AXDND1: variants seen among roughly 807,000 people sequenced by gnomAD.
The protein encoded by AXDND1 is axonemal dynein light chain domain containing 1, also known as axonemal dynein light chain domain-containing protein 1.
In AXDND1, 110 loss-of-function variants were observed where a neutral mutation model predicts 137.5. That is an observed-to-expected ratio of 0.80 (90% CI 0.69 to 0.94). The LOEUF (loss-of-function observed/expected upper bound fraction) is 0.94. AXDND1 is among the 40% of genes least tolerant of loss of function. AXDND1 has a pLI of 0.00. For missense variants in AXDND1, 1,191 were observed against 1,169.8 expected, an observed-to-expected ratio of 1.02 and a Z score of -0.26; for synonymous variants, 414 against 399.7, an observed-to-expected ratio of 1.04 and a Z score of -0.43.
At chr1:179,525,569 T>A in intron 22 of AXDND1, 122 bp downstream of exon 22, 1 of 1,179,654 alleles carries the variant, frequency 8.5e-7, no homozygotes, top group Non-Finnish European at 1.1e-6. Flanking sequence ...TCATCATAGC[T>A]CACTGTAACC....
At chr1:179,463,722 T>C (rs11582574) in intron 16 of AXDND1, among the ~76,000 whole-genome samples, 30,644 of 152,080 alleles carry the variant, frequency 0.2, 3,214 homozygotes, top group Non-Finnish European at 0.23. Flanking sequence ...AGTGGGGTGT[T>C]AAAGTCTCCC....
chr1:179,421,491 C>G (rs1320617281), intron 12 of AXDND1, among the ~76,000 whole-genome samples: 1 of 144,424 alleles, frequency 6.9e-6, no homozygotes, highest in Non-Finnish European at 1.5e-5. Context: ...TCAAGTGATT[C>G]TTGTGCCTCA....
chr1:179,377,360 C>G (rs1647443270), intron 4 of AXDND1, among the ~76,000 whole-genome samples: 1 of 152,172 alleles, frequency 6.6e-6, no homozygotes, highest in Admixed American at 6.5e-5. Flanking sequence ...GCAGTAGATG[C>G]TGAATTAGTC....
chr1:179,373,209 G>T (rs1668217084), intron 4 of AXDND1, among the ~76,000 whole-genome samples: 1 of 152,120 alleles, frequency 6.6e-6, no homozygotes, highest in African/African-American at 2.4e-5. Context: ...CAAATCATGA[G>T]TGAACTCCCA....
Position 179,378,703 on chromosome 1 carries a change from C to T in AXDND1, c.441C>T (p.Pro147=). ...KGQTREKAVC[P]PHLARSLQSH... ...AGACTAGGGAGAAGGCAGTTTGTCC[C>T]CCACATTTGGCCCGTTCATTACAGT... is the stretch of plus-strand genomic sequence containing the variant. The change falls in exon 5 of 26, where the codon CCC becomes CCT. Residue 147 remains proline (P), a synonymous_variant. Coordinates refer to ENST00000367618, the MANE Select transcript of AXDND1 (RefSeq NM_144696.6). The T allele has an allele frequency of 6.3e-7, 1 of 1,597,606 alleles. No homozygotes were observed. The highest frequency in any genetic ancestry group is 8.5e-7 in the Non-Finnish European group (1 of 1,170,650).
intron 18 of AXDND1, 132 bp from the exon 19 acceptor site, chr1:179,491,401 ATGACT>A (rs1369259431): frequency 4.3e-5 from 27 of 623,266 alleles, no homozygotes; most frequent in Non-Finnish European, 6.4e-5. Flanking sequence ...ATGCTAGCTG[ATGACT>A]TGATTTCATT....
chr1:179,471,946 G>A (rs1434693307), intron 17 of AXDND1, among the ~76,000 whole-genome samples: 2 of 151,356 alleles, frequency 1.3e-5, no homozygotes, highest in African/African-American at 4.9e-5. Context: ...CCAGACTGGA[G>A]TGCAGTGGCA....
At chr1:179,468,027 C>G (rs1281400698) in intron 16 of AXDND1, among the ~76,000 whole-genome samples, 2 of 152,244 alleles carry the variant, frequency 1.3e-5, no homozygotes, top group South Asian at 4.1e-4. Flanking sequence ...GACTCAAGAA[C>G]TATGATAATC....
intron 17 of AXDND1, among the ~76,000 whole-genome samples, chr1:179,473,364 G>T (rs12135611): frequency 1.3e-5 from 2 of 151,822 alleles, no homozygotes; most frequent in South Asian, 2.1e-4. Context: ...TGGGTGTGGT[G>T]GTGGGTGCCT....
intron 12 of AXDND1, among the ~76,000 whole-genome samples, chr1:179,413,917 CT>C (rs1450537705): frequency 6.6e-6 from 1 of 151,242 alleles, no homozygotes; most frequent in Non-Finnish European, 1.5e-5. Context: ...TTTTTTTTTA[CT>C]TTTTAATAAT....
At position 179,552,797 on chromosome 1, in the gene AXDND1, G is replaced by T. The variant is rs2274626; in HGVS notation, c.3032-1715G>T. The T allele has an allele frequency of 0.38, 299,582 of 785,896 alleles. 58,824 individuals carry two copies. The highest frequency in any genetic ancestry group is 0.55 in the African/African-American group (32,746 of 59,142). The allele number at this position is 785,896 out of a possible 1,614,324, so 48.7% of individuals were successfully genotyped here. A position where few individuals can be genotyped will look rare whatever the true frequency, so the allele number is the denominator to read the frequency against. ...TCTCATGATGAGTAGCAAATTTGGA[G>T]TGACCAGAGTGTGCCATTCCTAGAC... On this transcript the variant is annotated intron_variant, in intron 25 of 25. Coordinates refer to ENST00000367618, the MANE Select transcript of AXDND1 (RefSeq NM_144696.6).
chr1:179,488,628 C>CTT (rs1666367393), intron 18 of AXDND1, among the ~76,000 whole-genome samples: 1 of 61,764 alleles, frequency 1.6e-5, no homozygotes. Flanking sequence ...TTCTCTCTCT[C>CTT]TCTCTCCTTT....
chr1:179,450,802 G>A (rs1417334896), intron 16 of AXDND1: 1 of 152,246 alleles, frequency 6.6e-6, no homozygotes, highest in Non-Finnish European at 1.5e-5. Flanking sequence ...TGTACACATA[G>A]CTACATAGCT....
intron 11 of AXDND1, among the ~76,000 whole-genome samples, chr1:179,407,101 T>C (rs1342270782): frequency 6.6e-6 from 1 of 152,172 alleles, no homozygotes; most frequent in African/African-American, 2.4e-5. Context: ...AGGACTACCT[T>C]CAGGCTGGTC....
At position 179,528,386 on chromosome 1, in the gene AXDND1, T is replaced by G; in HGVS notation, c.2670T>G (p.Asn890Lys). Reference sequence around the variant, plus strand: ...TTCGATTCATTGGAGAAGATGAAAATGTTCATTCCAAACCTCTATTTGAAA... The same window carrying G: ...TTCGATTCATTGGAGAAGATGAAAAGGTTCATTCCAAACCTCTATTTGAAA... Reference protein sequence around the residue: ...KLIRFIGEDENVHSKPLFETD... With the variant: ...KLIRFIGEDEKVHSKPLFETD... The change falls in exon 23 of 26, where the codon AAT becomes AAG. Residue 890 changes from asparagine to lysine, a missense_variant. Asn to Lys is a moderately conservative substitution (Grantham distance 94). Coordinates refer to ENST00000367618, the MANE Select transcript of AXDND1 (RefSeq NM_144696.6). The G allele has an allele frequency of 2.5e-6, 4 of 1,614,016 alleles. No homozygotes were observed. Among genetic ancestry groups the G allele is most frequent in the Non-Finnish European group, 3.4e-6 (4 of 1,179,906 alleles).
In AXDND1 at chr1:179,525,386, A is replaced by G; in HGVS notation, c.2549A>G (p.Asp850Gly). ...GAAATAGACGAGTCTTTTAAAGAAG[A>G]TGAAGAAGAAAGTAAGGAGGATAGG... ...EPEIDESFKE[D>G]EEESKEDRKL... The change falls in exon 22 of 26, where the codon GAT becomes GGT. Residue 850 changes from aspartate to glycine, a missense_variant. Physicochemically the swap from Asp to Gly is moderately conservative, Grantham distance 94 (BLOSUM62 -1). Coordinates refer to ENST00000367618, the MANE Select transcript of AXDND1 (RefSeq NM_144696.6). The G allele has an allele frequency of 6.2e-7, 1 of 1,612,580 alleles. No individual in the cohort carries two copies. The highest frequency in any genetic ancestry group is 8.5e-7 in the Non-Finnish European group (1 of 1,179,038).
At chr1:179,443,512 C>T (rs1270663353) in intron 15 of AXDND1, among the ~76,000 whole-genome samples, 2 of 152,086 alleles carry the variant, frequency 1.3e-5, no homozygotes, top group African/African-American at 2.4e-5. Context: ...AGGACTTTTT[C>T]TTTTCCCCAA....
chr1:179,391,638 G>C lies in AXDND1; in HGVS notation c.864-2265G>C, dbSNP rs190566423. Among the ~76,000 whole-genome samples the C allele has an allele frequency of 1.0e-3, 158 of 152,192 alleles. 1 individual carries two copies. Among genetic ancestry groups the C allele is most frequent in the African/African-American group, 3.5e-3 (144 of 41,520 alleles). On this transcript the variant is annotated intron_variant, in intron 9 of 25. Coordinates refer to ENST00000367618, the MANE Select transcript of AXDND1 (RefSeq NM_144696.6). Reference sequence around the variant, plus strand: ...TGCCACCTCCAGCTCCTGGGTTCAGGTGATTCTCCTGCCTCAGCCTCCCAA... The same window carrying C: ...TGCCACCTCCAGCTCCTGGGTTCAGCTGATTCTCCTGCCTCAGCCTCCCAA...
chr1:179,422,701 G>A (rs1655944046), intron 12 of AXDND1, among the ~76,000 whole-genome samples: 1 of 152,072 alleles, frequency 6.6e-6, no homozygotes, highest in South Asian at 2.1e-4. Flanking sequence ...TTGATTTCTT[G>A]TCTGTCCATT....
Sources: gnomAD v4.1 joint callset for allele counts (sites outside exome capture counted in the v4.1 genomes callset) on GRCh38, gnomAD v4.1.1 for gene constraint, MANE v1.5 for transcripts, NCBI Gene and HGNC (gene_info 2026-07-23, HGNC 2026-07-21) for gene names.